Variants in NEK10 observed in about 807,000 individuals in gnomAD.
The protein encoded by NEK10 is NIMA related kinase 10.
NEK10 carries 122 observed loss-of-function variants against 159.8 expected under a neutral mutation model. The ratio of observed to expected loss-of-function variants is 0.76; its 90% CI spans 0.66 to 0.89. The LOEUF (loss-of-function observed/expected upper bound fraction) is 0.89. Among genes scored for constraint, NEK10 ranks in the 40% least tolerant of loss-of-function variants. The probability of loss-of-function intolerance (pLI) is 0.00; values close to 1 mark genes in which losing one functional copy is unlikely to be tolerated. For missense variants in NEK10, 1,342 were observed against 1,323.1 expected (o/e 1.01, Z -0.22); for synonymous variants, 466 against 457.1 (o/e 1.02, Z -0.25).
At chr3:27,348,611 C>A (rs1445053131) in intron 3 of NEK10, among the ~76,000 whole-genome samples, 1 of 152,180 alleles carries the variant, frequency 6.6e-6, no homozygotes, top group African/African-American at 2.4e-5. Context: ...TACTCCTGAT[C>A]TTGGGTCAGG....
At chr3:27,112,751 T>C (rs1407641505) in intron 35 of NEK10, among the ~76,000 whole-genome samples, 1 of 152,230 alleles carries the variant, frequency 6.6e-6, no homozygotes. Flanking sequence ...CCCAAATATA[T>C]GTGGCCATGA....
Position 27,109,361 on chromosome 3 carries a change from A to T in NEK10, c.*1911T>A, listed in dbSNP as rs1939291458. Among the ~76,000 whole-genome samples, 1 of 148,070 alleles carries T rather than the reference A, an allele frequency of 6.8e-6. No individual in the cohort carries two copies. The highest frequency in any genetic ancestry group is 6.9e-5 in the Admixed American group (1 of 14,570). On this transcript the variant is annotated 3_prime_UTR_variant, in exon 36 of 36. Coordinates refer to ENST00000691995, the MANE Select transcript of NEK10 (RefSeq NM_001394966.1). Reference sequence around the variant, plus strand: ...GCCATTGCACTCAAGCCTGGGCAACAGAGTGAGACTCTGTCTTAAAAAAAA... The same window carrying T: ...GCCATTGCACTCAAGCCTGGGCAACTGAGTGAGACTCTGTCTTAAAAAAAA...
At chr3:27,328,285 T>C (rs1243302820) in intron 5 of NEK10, among the ~76,000 whole-genome samples, 1 of 152,232 alleles carries the variant, frequency 6.6e-6, no homozygotes, top group Non-Finnish European at 1.5e-5. Context: ...CTCATGGAGC[T>C]TACATTCTGA....
rs554080018 is a variant in NEK10 at position 27,263,313 on chromosome 3, G to A, written c.2015-6942C>T. On this transcript the variant is annotated intron_variant, in intron 22 of 35. Coordinates refer to ENST00000691995, the MANE Select transcript of NEK10 (RefSeq NM_001394966.1). ...TGTCCGTTCTCAGATCTCCAGCTGC[G>A]TGCTGAGAGAACCACTACTCTCTTC... Among the ~76,000 whole-genome samples the A allele has an allele frequency of 2.0e-3, 304 of 152,294 alleles. 5 individuals carry two copies. Among genetic ancestry groups the A allele is most frequent in the African/African-American group, 6.7e-3 (280 of 41,570 alleles).
intron 13 of NEK10, among the ~76,000 whole-genome samples, chr3:27,297,771 G>A (rs914811519): frequency 1.3e-5 from 2 of 152,146 alleles, no homozygotes; most frequent in South Asian, 2.1e-4. Context: ...TCTGCCAGAC[G>A]TTAAATCCCC....
At chr3:27,317,535 T>C (rs1205921225) in intron 6 of NEK10, among the ~76,000 whole-genome samples, 1 of 152,202 alleles carries the variant, frequency 6.6e-6, no homozygotes, top group Non-Finnish European at 1.5e-5. Flanking sequence ...CCCTGAATTG[T>C]TCCTTTTTTA....
intron 23 of NEK10, among the ~76,000 whole-genome samples, chr3:27,245,729 T>C (rs1161991175): frequency 6.6e-6 from 1 of 152,158 alleles, no homozygotes; most frequent in African/African-American, 2.4e-5. Context: ...AATATACATC[T>C]CTCCATCATC....
At chr3:27,205,585 C>A (rs1003082251) in intron 23 of NEK10, among the ~76,000 whole-genome samples, 1 of 135,190 alleles carries the variant, frequency 7.4e-6, no homozygotes, top group Non-Finnish European at 1.5e-5. Context: ...TTTGACAAAC[C>A]TGAGAAAAAC....
At chr3:27,268,037 G>A (rs1045722186) in intron 22 of NEK10, among the ~76,000 whole-genome samples, 1 of 152,216 alleles carries the variant, frequency 6.6e-6, no homozygotes, top group Non-Finnish European at 1.5e-5. Context: ...CTGGACAGAA[G>A]GTCAAACCAA....
chr3:27,122,304 C>T (rs565030912), intron 32 of NEK10, among the ~76,000 whole-genome samples: 4 of 152,136 alleles, frequency 2.6e-5, no homozygotes, highest in Admixed American at 2.6e-4. Context: ...TTCCTGAGGC[C>T]TCCCCAGCCA....
At chr3:27,255,676 T>G (rs1956099367) in intron 23 of NEK10, among the ~76,000 whole-genome samples, 1 of 152,166 alleles carries the variant, frequency 6.6e-6, no homozygotes, top group African/African-American at 2.4e-5. Context: ...ATTAATGGCT[T>G]GCAAAGGAAC....
intron 26 of NEK10, among the ~76,000 whole-genome samples, chr3:27,179,161 G>C (rs1191610875): frequency 6.6e-6 from 1 of 152,080 alleles, no homozygotes; most frequent in Admixed American, 6.5e-5. Flanking sequence ...AGTTAAGAGA[G>C]CAATAGTTAA....
intron 31 of NEK10, 111 bp downstream of exon 31, chr3:27,141,371 G>A: frequency 1.4e-6 from 1 of 723,474 alleles, no homozygotes; most frequent in South Asian, 2.2e-5. Context: ...ATGTAGCTGG[G>A]GAGGATAAGA....
rs1368399177 is a variant in NEK10 at position 27,107,979 on chromosome 3, C to A, written c.*3293G>T. Among the ~76,000 whole-genome samples, 2 of 152,126 alleles carry A rather than the reference C, an allele frequency of 1.3e-5. No individual in the cohort carries two copies. The highest frequency in any genetic ancestry group is 1.3e-4 in the Admixed American group (2 of 15,280). ...AATGTGGGTTCTATGCATATTAATACTGATAAAATTCACTAGCCAATATTA... is the reference window on the plus strand; with the variant it reads ...AATGTGGGTTCTATGCATATTAATAATGATAAAATTCACTAGCCAATATTA... On this transcript the variant is annotated 3_prime_UTR_variant, in exon 36 of 36. Transcript: ENST00000691995.
intron 26 of NEK10, among the ~76,000 whole-genome samples, chr3:27,181,822 T>C (rs971741507): frequency 6.6e-6 from 1 of 152,214 alleles, no homozygotes; most frequent in Non-Finnish European, 1.5e-5. Flanking sequence ...AAAGAATAAA[T>C]GCTTACTAAA....
chr3:27,255,518 G>A (rs560923577), intron 23 of NEK10, among the ~76,000 whole-genome samples: 4 of 151,180 alleles, frequency 2.6e-5, no homozygotes, highest in Non-Finnish European at 4.4e-5. Context: ...AAAAATAAAA[G>A]TGTCTTGATT....
intron 32 of NEK10, among the ~76,000 whole-genome samples, chr3:27,121,489 C>T (rs909667288): frequency 3.3e-5 from 5 of 152,134 alleles, no homozygotes; most frequent in African/African-American, 1.2e-4. Flanking sequence ...TCTTTCCTGT[C>T]TGTTCTCGTG....
At chr3:27,360,551 A>G (rs1300842371) in intron 1 of NEK10, among the ~76,000 whole-genome samples, 1 of 152,212 alleles carries the variant, frequency 6.6e-6, no homozygotes, top group Non-Finnish European at 1.5e-5. Context: ...AGCGCACTTC[A>G]CCTTCAGGAT....
chr3:27,170,276 C>T lies in NEK10; in HGVS notation c.2831+1543G>A, dbSNP rs1946836788. Among the ~76,000 whole-genome samples the T allele has an allele frequency of 2.0e-5, 3 of 152,208 alleles. No individual in the cohort carries two copies. The South Asian group carries it at 6.2e-4, about 31-fold the overall frequency. On this transcript the variant is annotated intron_variant, in intron 29 of 35. Coordinates refer to ENST00000691995, the MANE Select transcript of NEK10 (RefSeq NM_001394966.1). ...GCCTGGCATCACCACTTATATGTGG[C>T]CCAACCTCAACAGGTGCCCCAGCCT...
Sources: gnomAD v4.1 joint callset for allele counts (sites outside exome capture counted in the v4.1 genomes callset) on GRCh38, gnomAD v4.1.1 for gene constraint, MANE v1.5 for transcripts, NCBI Gene and HGNC (gene_info 2026-07-23, HGNC 2026-07-21) for gene names.